SEC24B: variants seen among roughly 807,000 people sequenced by gnomAD.
The protein encoded by SEC24B is protein transport protein Sec24B.
SEC24B carries 45 observed loss-of-function variants against 142.8 expected under a neutral mutation model. That is an observed-to-expected ratio of 0.32 (90% CI 0.25 to 0.40). The LOEUF (loss-of-function observed/expected upper bound fraction) is 0.40, where lower values mean the gene tolerates loss of function less well. SEC24B is among the 10% of genes least tolerant of loss of function. The probability of loss-of-function intolerance (pLI) is 1.00; values close to 1 mark genes in which losing one functional copy is unlikely to be tolerated. For missense variants in SEC24B, 1,409 were observed against 1,526.8 expected, an observed-to-expected ratio of 0.92 and a Z score of 1.29; for synonymous variants, 574 against 568.2, an observed-to-expected ratio of 1.01 and a Z score of -0.15.
intron 1 of SEC24B, among the ~76,000 whole-genome samples, chr4:109,441,702 A>G (rs988951480): frequency 1.6e-5 from 2 of 123,472 alleles, no homozygotes; most frequent in African/African-American, 6.2e-5. Flanking sequence ...GTGAGCCACC[A>G]TGTGTGGCCT....
In SEC24B at chr4:109,473,092, A is replaced by G. The variant is rs1288398728; in HGVS notation, c.966A>G (p.Ser322=). 3.1e-6 allele frequency: 5 copies of G among 1,604,038 alleles called. No individual in the cohort carries two copies. The South Asian group carries it at 3.3e-5, about 11-fold the overall frequency. The change falls in exon 3 of 24, where the codon TCA becomes TCG. Residue 322 remains serine (S), a synonymous_variant. Coordinates refer to ENST00000265175, the MANE Select transcript of SEC24B (RefSeq NM_006323.5). ...TATCCACTGTTTTATCAGGATCCTC[A>G]GGATCCTCATCAACAAGAACACCTC... is the stretch of plus-strand genomic sequence containing the variant. ...PVVSTVLSGS[S]GSSSTRTPPT... is the part of the protein sequence containing the mutation.
chr4:109,513,040 T>C (rs1160523569), intron 9 of SEC24B, among the ~76,000 whole-genome samples: 2 of 148,678 alleles, frequency 1.3e-5, no homozygotes, highest in Non-Finnish European at 3.0e-5. Flanking sequence ...AGTGGTGCGA[T>C]CTCAGCTCAC....
intron 3 of SEC24B, among the ~76,000 whole-genome samples, chr4:109,477,473 T>C (rs2125975077): frequency 6.6e-6 from 1 of 152,044 alleles, no homozygotes; most frequent in South Asian, 2.1e-4. Flanking sequence ...AGGCACACAC[T>C]GCCACATCTG....
chr4:109,467,673 T>G (rs1732096277), intron 2 of SEC24B, among the ~76,000 whole-genome samples: 1 of 152,222 alleles, frequency 6.6e-6, no homozygotes. Flanking sequence ...TCCCTTTGTT[T>G]TACAAAGCAC....
At chr4:109,489,525 C>T (rs1734761527) in intron 4 of SEC24B, among the ~76,000 whole-genome samples, 1 of 143,676 alleles carries the variant, frequency 7.0e-6, no homozygotes, top group Non-Finnish European at 1.5e-5. Flanking sequence ...ACATTTTCAT[C>T]ATCCCAAAAG....
intron 3 of SEC24B, among the ~76,000 whole-genome samples, chr4:109,476,186 C>T (rs966636636): frequency 6.6e-6 from 1 of 152,056 alleles, no homozygotes; most frequent in Admixed American, 6.6e-5. Flanking sequence ...GGGGTTTCAC[C>T]ATGTTGACCA....
chr4:109,500,544 T>TAA (rs749051623), intron 6 of SEC24B, among the ~76,000 whole-genome samples: 5 of 101,130 alleles, frequency 4.9e-5, no homozygotes, highest in Admixed American at 1.1e-4. Flanking sequence ...GACTCCATCT[T>TAA]AAAAAAAAAA....
chr4:109,491,063 A>G (rs997990138), intron 4 of SEC24B, among the ~76,000 whole-genome samples: 2 of 152,068 alleles, frequency 1.3e-5, no homozygotes, highest in Admixed American at 1.3e-4. Flanking sequence ...TAATAGTTTA[A>G]TATCTGTTCT....
intron 2 of SEC24B, among the ~76,000 whole-genome samples, chr4:109,464,616 G>A (rs1036064803): frequency 8.5e-5 from 13 of 152,264 alleles, no homozygotes; most frequent in African/African-American, 2.9e-4. Context: ...CTTTTGAACC[G>A]AATGAAAATG....
chr4:109,436,177 A>G (rs1728391787), intron 1 of SEC24B, among the ~76,000 whole-genome samples: 1 of 152,194 alleles, frequency 6.6e-6, no homozygotes, highest in Non-Finnish European at 1.5e-5. Context: ...TGCTGGGCTC[A>G]GGTGATCCTC....
chr4:109,451,678 G>A (rs1352999693), intron 1 of SEC24B, among the ~76,000 whole-genome samples: 1 of 152,098 alleles, frequency 6.6e-6, no homozygotes, highest in African/African-American at 2.4e-5. Flanking sequence ...TTTATTGGAG[G>A]ATGATATTTA....
At chr4:109,469,790 A>G (rs1405775682) in intron 2 of SEC24B, among the ~76,000 whole-genome samples, 2 of 152,236 alleles carry the variant, frequency 1.3e-5, no homozygotes. Flanking sequence ...TAAACATGAT[A>G]AACGCAACTC....
chr4:109,512,012 A>G lies in SEC24B; in HGVS notation c.1832A>G (p.Tyr611Cys). ...TIVRCRSCRT[Y>C]INPFVSFIDQ... ...GTGAGGTGCCGATCCTGTCGAACGT[A>G]TATTAACCCCTTTGTATCCTTCATT... Residue 611 changes from tyrosine to cysteine, a missense_variant, in exon 9 of 24, where the codon TAT becomes TGT. Physicochemically the swap from Tyr to Cys is radical, Grantham distance 194. This residue lies in a region of SEC24B where 700 missense variants were observed against 853.3 expected (regional missense o/e 0.82). Transcript: ENST00000265175. The G allele has an allele frequency of 1.2e-6, 2 of 1,613,438 alleles. No homozygotes were observed. The highest frequency in any genetic ancestry group is 1.7e-6 in the Non-Finnish European group (2 of 1,179,374).
chr4:109,517,656 G>A (rs1723087942), intron 11 of SEC24B, among the ~76,000 whole-genome samples: 1 of 152,058 alleles, frequency 6.6e-6, no homozygotes, highest in Non-Finnish European at 1.5e-5. Context: ...GCTAGATTTA[G>A]CCATTCCACA....
chr4:109,479,041 G>A (rs1033629222), intron 3 of SEC24B, among the ~76,000 whole-genome samples: 2 of 152,144 alleles, frequency 1.3e-5, no homozygotes, highest in Non-Finnish European at 2.9e-5. Context: ...ATTTATTCGT[G>A]GTATAGCTGT....
chr4:109,494,915 T>A, intron 6 of SEC24B, 59 bp downstream of exon 6: 1 of 1,588,622 alleles, frequency 6.3e-7, no homozygotes, highest in Non-Finnish European at 8.6e-7. Flanking sequence ...TCTGACAAGT[T>A]ACTGGTGGGA....
At chr4:109,451,758 G>A (rs887077659) in intron 1 of SEC24B, among the ~76,000 whole-genome samples, 2 of 152,106 alleles carry the variant, frequency 1.3e-5, no homozygotes, top group Non-Finnish European at 2.9e-5. Context: ...TCTGAAAGTC[G>A]ACAGAGCTAT....
chr4:109,532,583 C>T, intron 20 of SEC24B, 56 bp from the exon 21 acceptor site: 11 of 1,351,992 alleles, frequency 8.1e-6, no homozygotes, highest in African/African-American at 1.4e-5. Flanking sequence ...CCATTAGCTC[C>T]CAAACTGTGA....
At position 109,521,492 on chromosome 4, in the gene SEC24B, C is replaced by T; in HGVS notation, c.2374C>T (p.Pro792Ser). The T allele has an allele frequency of 6.2e-7, 1 of 1,614,138 alleles. No individual in the cohort carries two copies. Among genetic ancestry groups the T allele is most frequent in the Non-Finnish European group, 8.5e-7 (1 of 1,179,994 alleles). ...AAGAGAAACACACAGTGCCCTTGGT[C>T]CTGCACTTCAGGCTGCCTTTAAATT... Reference protein sequence around the residue: ...NTRETHSALGPALQAAFKLMS... With the variant: ...NTRETHSALGSALQAAFKLMS... The change falls in exon 14 of 24, where the codon CCT (proline) becomes TCT (serine). Residue 792 changes from proline to serine, a missense_variant. Physicochemically the swap from Pro to Ser is moderately conservative, Grantham distance 74 (BLOSUM62 -1). Transcript: ENST00000265175.
Sources: gnomAD v4.1 joint callset for allele counts (sites outside exome capture counted in the v4.1 genomes callset) on GRCh38, gnomAD v4.1.1 for gene constraint, gnomAD v4.1.1 regional missense constraint, MANE v1.5 for transcripts, NCBI Gene and HGNC (gene_info 2026-07-23, HGNC 2026-07-21) for gene names.